Variants in FHIT observed in about 807,000 individuals in gnomAD.
FHIT encodes the protein bis(5'-adenosyl)-triphosphatase.
Under a neutral mutation model 17.9 loss-of-function variants are expected in FHIT, and 19 were observed. The observed-to-expected ratio is 1.06, with a 90% confidence interval of 0.74 to 1.56. The LOEUF is 1.56. Among genes scored for constraint, FHIT ranks in the 40% most tolerant of loss-of-function variants. The probability of loss-of-function intolerance (pLI) is 0.00; values close to 1 mark genes in which losing one functional copy is unlikely to be tolerated. For synonymous variants in FHIT, 81 were observed against 69.7 expected (o/e 1.16, Z -0.81); for missense variants, 248 against 189.2 (o/e 1.31, Z -1.82).
At chr3:60,620,453 C>T (rs993300704) in intron 4 of FHIT, among the ~76,000 whole-genome samples, 2 of 152,056 alleles carry the variant, frequency 1.3e-5, no homozygotes, top group Non-Finnish European at 2.9e-5. Context: ...GACCATTATT[C>T]AGCCATACTA....
At chr3:59,853,969 A>T (rs1261650041) in intron 8 of FHIT, among the ~76,000 whole-genome samples, 1 of 152,236 alleles carries the variant, frequency 6.6e-6, no homozygotes. Flanking sequence ...AGATAAAGTC[A>T]TCAGGAGCTA....
chr3:59,844,777 T>A (rs1476736369), intron 8 of FHIT, among the ~76,000 whole-genome samples: 1 of 152,146 alleles, frequency 6.6e-6, no homozygotes, highest in African/African-American at 2.4e-5. Context: ...TGGTCTGTAG[T>A]TTTTTTGCAA....
At chr3:59,954,221 G>GTTTTTTTTT (rs5849313) in intron 7 of FHIT, among the ~76,000 whole-genome samples, 15 of 120,962 alleles carry the variant, frequency 1.2e-4, no homozygotes, top group African/African-American at 1.9e-4. Context: ...ATTTTGTTCT[G>GTTTTTTTTT]TTTTTTTTTC....
intron 5 of FHIT, among the ~76,000 whole-genome samples, chr3:60,319,940 T>A (rs1709345872): frequency 6.6e-6 from 1 of 152,092 alleles, no homozygotes; most frequent in Admixed American, 6.5e-5. Context: ...GAAAACGACC[T>A]AAGAGGATGC....
intron 5 of FHIT, among the ~76,000 whole-genome samples, chr3:60,498,186 A>G (rs569018013): frequency 2.6e-5 from 4 of 152,360 alleles, no homozygotes; most frequent in African/African-American, 9.6e-5. Flanking sequence ...ACCAGTTTAA[A>G]TACTATTTTA....
intron 8 of FHIT, among the ~76,000 whole-genome samples, chr3:59,886,603 C>T (rs11711468): frequency 0.013 from 1,986 of 152,154 alleles, 35 homozygotes; most frequent in South Asian, 0.03. Flanking sequence ...GAAGAGGCAC[C>T]ACACTCTTTT....
chr3:60,882,560 A>G (rs1043868100), intron 3 of FHIT, among the ~76,000 whole-genome samples: 6 of 152,218 alleles, frequency 3.9e-5, no homozygotes, highest in African/African-American at 1.4e-4. Context: ...AGGACGGTTC[A>G]ACATATGCTA....
chr3:60,195,507 C>T (rs1702587887), intron 5 of FHIT, among the ~76,000 whole-genome samples: 1 of 137,516 alleles, frequency 7.3e-6, no homozygotes, highest in Non-Finnish European at 1.5e-5. Context: ...TGGAACCAAC[C>T]TAAGTGACCA....
At chr3:60,850,661 A>G (rs1293354748) in intron 3 of FHIT, among the ~76,000 whole-genome samples, 1 of 152,110 alleles carries the variant, frequency 6.6e-6, no homozygotes, top group African/African-American at 2.4e-5. Flanking sequence ...AAGTAGATGC[A>G]CACCTGCCAT....
At position 61,216,755 on chromosome 3, in the gene FHIT, CAAT is replaced by C. The variant is rs1411075955; in HGVS notation, c.-212-16093_-212-16091del. On this transcript the variant is annotated intron_variant, in intron 1 of 9. Coordinates refer to ENST00000492590, the MANE Select transcript of FHIT (RefSeq NM_002012.4). ...ACTTGGAACCGACCCAAATGTCCAA[CAAT>C]GACAGACTGGATTAAGAAAATGTGG... is the stretch of plus-strand genomic sequence containing the variant. 2.0e-5 allele frequency among the ~76,000 whole-genome samples: 3 copies of C among 152,148 alleles called. No individual in the cohort carries two copies. The South Asian group carries it at 6.2e-4, about 32-fold the overall frequency.
At chr3:59,955,663 C>T (rs7629424) in intron 7 of FHIT, among the ~76,000 whole-genome samples, 26,403 of 152,064 alleles carry the variant, frequency 0.17, 2,604 homozygotes, top group African/African-American at 0.25. Flanking sequence ...CTTAGTTTTT[C>T]CTCACCTGCT....
At chr3:60,890,015 A>T (rs1176122010) in intron 3 of FHIT, among the ~76,000 whole-genome samples, 1 of 152,162 alleles carries the variant, frequency 6.6e-6, no homozygotes, top group Non-Finnish European at 1.5e-5. Flanking sequence ...GTTTATGAAC[A>T]TCCAAATAAA....
chr3:60,362,081 A>AT (rs1299512877), intron 5 of FHIT, among the ~76,000 whole-genome samples: 3 of 152,288 alleles, frequency 2.0e-5, no homozygotes, highest in African/African-American at 7.2e-5. Flanking sequence ...ATTTAAAAAA[A>AT]AATAATTTTA....
At chr3:59,989,851 G>A (rs554553425) in intron 7 of FHIT, among the ~76,000 whole-genome samples, 5 of 152,084 alleles carry the variant, frequency 3.3e-5, no homozygotes, top group East Asian at 1.9e-4. Context: ...CACAAATATC[G>A]GAGATAGACA....
intron 8 of FHIT, among the ~76,000 whole-genome samples, chr3:59,920,101 C>G (rs1196076373): frequency 6.6e-6 from 1 of 152,186 alleles, no homozygotes; most frequent in African/African-American, 2.4e-5. Flanking sequence ...ATTTACTAAC[C>G]ATTGCTACTT....
At chr3:60,512,549 C>T (rs1269566205) in intron 5 of FHIT, among the ~76,000 whole-genome samples, 3 of 151,946 alleles carry the variant, frequency 2.0e-5, no homozygotes, top group Non-Finnish European at 4.4e-5. Context: ...TGCATTATCA[C>T]CCCACTATAT....
At chr3:60,892,457 G>A (rs1705567787) in intron 3 of FHIT, among the ~76,000 whole-genome samples, 1 of 152,018 alleles carries the variant, frequency 6.6e-6, no homozygotes, top group Non-Finnish European at 1.5e-5. Flanking sequence ...CTTTACCTCT[G>A]GGTAATTCCC....
At chr3:60,091,821 G>A (rs1468273890) in intron 5 of FHIT, among the ~76,000 whole-genome samples, 4 of 152,062 alleles carry the variant, frequency 2.6e-5, no homozygotes, top group African/African-American at 9.7e-5. Context: ...TGCCATGACT[G>A]GAAGCTTGCT....
chr3:60,559,262 T>C (rs893032085), intron 4 of FHIT, among the ~76,000 whole-genome samples: 13 of 152,180 alleles, frequency 8.5e-5, no homozygotes, highest in Admixed American at 2.6e-4. Flanking sequence ...AATTAAAATT[T>C]CCCTAGAGGC....
Sources: gnomAD v4.1 joint callset for allele counts (sites outside exome capture counted in the v4.1 genomes callset) on GRCh38, gnomAD v4.1.1 for gene constraint, MANE v1.5 for transcripts, NCBI Gene and HGNC (gene_info 2026-07-23, HGNC 2026-07-21) for gene names.